The following AOX1 variants were observed in gnomAD, a reference collection of about 807,000 sequenced individuals.
The protein encoded by AOX1 is aldehyde oxidase 1.
AOX1 carries 153 observed loss-of-function variants against 169.5 expected under a neutral mutation model. The observed-to-expected ratio is 0.90, with a 90% CI of 0.79 to 1.03. AOX1 has a LOEUF of 1.03. AOX1 is among the 50% of genes least tolerant of loss of function. The probability of loss-of-function intolerance (pLI) is 0.00; values close to 1 mark genes in which losing one functional copy is unlikely to be tolerated. For synonymous variants in AOX1, 562 were observed against 581.9 expected, an observed-to-expected ratio of 0.97 and a Z score of 0.49; for missense variants, 1,656 against 1,663.9, an observed-to-expected ratio of 1.00 and a Z score of 0.08.
Position 200,604,712 on chromosome 2 carries a change from A to G in AOX1, c.686A>G (p.Gln229Arg), listed in dbSNP as rs1208487058. Residue 229 changes from glutamine (Q) to arginine (R), a missense_variant, in exon 9 of 35, where the codon CAG becomes CGG. By Grantham distance (43) the Gln-to-Arg change is conservative. Transcript: ENST00000374700. ...TTTCAATAGATAATGGCTGAGAAAC[A>G]GTCGCAAAGGACCAGGGTGTTTGGC... ...PPELMIMAEK[Q>R]SQRTRVFGSE... 6.2e-7 allele frequency: 1 copy of G among 1,614,146 alleles called. No homozygotes were observed.
rs1016388838 is a variant in AOX1 at position 200,603,901 on chromosome 2, T to A, written c.589-116T>A. 1.4e-5 allele frequency: 10 copies of A among 692,494 alleles called. No homozygotes were observed. In the African/African-American group the frequency reaches 1.6e-4, roughly 11 times the overall value. 42.9% of individuals were successfully genotyped at this position (692,494 alleles called of 1,614,324 possible). On this transcript the variant is annotated intron_variant, in intron 7 of 34. Transcript: ENST00000374700. Reference sequence around the variant, plus strand: ...GAGCGCGGGGATTGTGGCTGGCCAGTGGACTTTTTTGTCGGTTTGCTGTAT... The same window carrying A: ...GAGCGCGGGGATTGTGGCTGGCCAGAGGACTTTTTTGTCGGTTTGCTGTAT...
chr2:200,661,370 G>A (rs1221917380), intron 29 of AOX1, among the ~76,000 whole-genome samples: 2 of 152,150 alleles, frequency 1.3e-5, no homozygotes, highest in Non-Finnish European at 2.9e-5. Flanking sequence ...ACCACAGCGG[G>A]CATTTAGTAC....
At chr2:200,644,357 G>A (rs2035410636) in intron 25 of AOX1, among the ~76,000 whole-genome samples, 1 of 152,138 alleles carries the variant, frequency 6.6e-6, no homozygotes, top group Non-Finnish European at 1.5e-5. Context: ...CTTTGTCAAA[G>A]ATCAGTTGGG....
intron 20 of AOX1, among the ~76,000 whole-genome samples, chr2:200,631,235 G>A (rs1192279345): frequency 1.3e-5 from 2 of 152,182 alleles, no homozygotes. Context: ...GGCTAGAGAG[G>A]CTACCTGATT....
rs1187528380 is a variant in AOX1 at position 200,602,298 on chromosome 2, T to C, written c.451T>C (p.Cys151Arg). 3 of 1,613,940 alleles carry C rather than the reference T, an allele frequency of 1.9e-6. No individual in the cohort carries two copies. Among genetic ancestry groups the C allele is most frequent in the East Asian group, 4.5e-5 (2 of 44,850 alleles). The change falls in exon 6 of 35, where the codon TGC becomes CGC. Residue 151 changes from cysteine to arginine, a missense_variant. Cys to Arg is a radical substitution (Grantham distance 180). Transcript: ENST00000374700. ...TDALGGNLCR[C>R]TGYRPIIDAC... ...TTCTCCTTCAGGTAACCTGTGCCGT[T>C]GCACTGGATACAGGCCCATAATTGA...
chr2:200,589,225 C>A (rs11689822), intron 1 of AOX1, among the ~76,000 whole-genome samples: 24,097 of 152,072 alleles, frequency 0.16, 2,220 homozygotes, highest in Non-Finnish European at 0.21. Context: ...GCACGTTGGC[C>A]AGGGACCTAG....
At chr2:200,628,227 T>G (rs772870918) in intron 20 of AOX1, among the ~76,000 whole-genome samples, 12 of 152,094 alleles carry the variant, frequency 7.9e-5, no homozygotes, top group Non-Finnish European at 1.8e-4. Context: ...TGAGAGTAAA[T>G]TGTAAACATG....
rs767097930 is a variant in AOX1, at chr2:200,597,435, C to T, written c.239C>T (p.Ser80Phe). Residue 80 changes from serine to phenylalanine, a missense_variant, in exon 4 of 35, where the codon TCT becomes TTT. Physicochemically the swap from Ser to Phe is radical, Grantham distance 155. Transcript: ENST00000374700. Reference sequence around the variant, plus strand: ...AATGCCTGTCTGATTCCCATCTGTTCTCTGTATGGTGCTGCCGTCACCACA... The same window carrying T: ...AATGCCTGTCTGATTCCCATCTGTTTTCTGTATGGTGCTGCCGTCACCACA... ...PANACLIPIC[S>F]LYGAAVTTVE... 6.2e-7 allele frequency: 1 copy of T among 1,611,286 alleles called. No individual in the cohort carries two copies. Among genetic ancestry groups the T allele is most frequent in the Non-Finnish European group, 8.5e-7 (1 of 1,178,694 alleles).
chr2:200,657,185 TATATA>T (rs1430726753), intron 27 of AOX1, among the ~76,000 whole-genome samples: 15 of 74,594 alleles, frequency 2.0e-4, no homozygotes, highest in Admixed American at 2.0e-3. Context: ...TATATATATA[TATATA>T]TTTTTTTTTT....
intron 26 of AOX1, among the ~76,000 whole-genome samples, chr2:200,652,074 G>A (rs2035590707): frequency 6.6e-6 from 1 of 152,168 alleles, no homozygotes; most frequent in Non-Finnish European, 1.5e-5. Context: ...TCACAAAATA[G>A]GAACAAATGG....
At position 200,636,913 on chromosome 2, in the gene AOX1, C is replaced by T; in HGVS notation, c.2349C>T (p.Asp783=). Residue 783 remains aspartate, a splice_region_variant and synonymous_variant, in exon 22 of 35, where the codon GAC becomes GAT. Coordinates refer to ENST00000374700, the MANE Select transcript of AOX1 (RefSeq NM_001159.4). ...ATCAGAACTATTATTGTTCACAGGA[C>T]ATTGTTGCCTCAACCTTGAAGCTCC... The part of the protein sequence containing the change: ...VSTQFPKYIQ[D]IVASTLKLPA... 6.2e-7 allele frequency: 1 copy of T among 1,613,776 alleles called. No homozygotes were observed. Among genetic ancestry groups the T allele is most frequent in the East Asian group, 2.2e-5 (1 of 44,854 alleles).
At chr2:200,594,650 A>G (rs909632121) in intron 2 of AOX1, among the ~76,000 whole-genome samples, 2 of 152,178 alleles carry the variant, frequency 1.3e-5, no homozygotes, top group African/African-American at 2.4e-5. Flanking sequence ...GAAGTCATAC[A>G]CAACACTTAT....
chr2:200,635,215 A>T (rs904514514), intron 21 of AOX1, among the ~76,000 whole-genome samples: 1 of 152,116 alleles, frequency 6.6e-6, no homozygotes, highest in Non-Finnish European at 1.5e-5. Flanking sequence ...ATAGCCATAT[A>T]AGTTCAGTGC....
chr2:200,679,447 A>G (rs574686172), downstream of AOX1: 20 of 133,288 alleles, frequency 1.5e-4, no homozygotes, highest in Admixed American at 9.0e-4. Context: ...GAGGATAACA[A>G]TGGGTTTAGG....
rs1276764023 is a variant in AOX1, at chr2:200,616,045, C to A, written c.1686C>A (p.Cys562Ter). 5 of 1,612,448 alleles carry A rather than the reference C, an allele frequency of 3.1e-6. No individual in the cohort carries two copies. Among genetic ancestry groups the A allele is most frequent in the Non-Finnish European group, 4.2e-6 (5 of 1,178,518 alleles). The change falls in exon 16 of 35, where the codon TGC becomes TGA. Residue 562 changes from cysteine (C) to a stop codon, truncating the protein, a stop_gained. Coordinates refer to ENST00000374700, the MANE Select transcript of AOX1 (RefSeq NM_001159.4). LOFTEE classifies it high-confidence loss of function. ...AAGATCTTCATTCCAAACATCACTGCAGTACATTAAAGTACCAGGTGAGCG... is the reference window on the plus strand; with the variant it reads ...AAGATCTTCATTCCAAACATCACTGAAGTACATTAAAGTACCAGGTGAGCG... ...ALEDLHSKHHCSTLKYQNIGP... is the reference protein window; with the variant it reads ...ALEDLHSKHH
intron 2 of AOX1, among the ~76,000 whole-genome samples, chr2:200,593,707 C>T (rs1476159947): frequency 6.6e-6 from 1 of 152,176 alleles, no homozygotes; most frequent in Non-Finnish European, 1.5e-5. Flanking sequence ...AAAGACACTA[C>T]TGAATTATAT....
chr2:200,623,587 C>T (rs959186860), intron 18 of AOX1, among the ~76,000 whole-genome samples: 2 of 152,250 alleles, frequency 1.3e-5, no homozygotes, highest in African/African-American at 4.8e-5. Flanking sequence ...CCTCACACAG[C>T]CTCATAGGCT....
At chr2:200,652,853 C>G (rs745844772) in intron 26 of AOX1, among the ~76,000 whole-genome samples, 1 of 152,074 alleles carries the variant, frequency 6.6e-6, no homozygotes, top group Non-Finnish European at 1.5e-5. Flanking sequence ...TTGCTTGAGG[C>G]CAGAAGTTTG....
Position 200,651,114 on chromosome 2 carries a change from C to G in AOX1, c.2988C>G (p.Phe996Leu). The G allele has an allele frequency of 1.2e-6, 2 of 1,614,190 alleles. No individual in the cohort carries two copies. The highest frequency in any genetic ancestry group is 1.7e-6 in the Non-Finnish European group (2 of 1,180,036). Residue 996 changes from phenylalanine to leucine, a missense_variant, in exon 26 of 35, where the codon TTC becomes TTG. Coordinates refer to ENST00000374700, the MANE Select transcript of AOX1 (RefSeq NM_001159.4). Reference sequence around the variant, plus strand: ...TGAGGAAAGTTGCTGTGGAAAAGTTCAATGCAGAGAATTATTGGAAGAAGA... The same window carrying G: ...TGAGGAAAGTTGCTGTGGAAAAGTTGAATGCAGAGAATTATTGGAAGAAGA... ...YSLRKVAVEK[F>L]NAENYWKKKG...
Sources: allele counts gnomAD v4.1 joint callset (sites outside exome capture counted in the v4.1 genomes callset), GRCh38; gene constraint gnomAD v4.1.1; transcripts MANE v1.5; gene names NCBI Gene and HGNC (gene_info 2026-07-23, HGNC 2026-07-21).